BEND7: variants seen among roughly 807,000 people sequenced by gnomAD.
The protein encoded by BEND7 is BEN domain-containing protein 7.
A neutral mutation model predicts 50.9 loss-of-function variants in BEND7; 28 were observed. The ratio of observed to expected loss-of-function variants is 0.55; its 90% confidence interval spans 0.41 to 0.75. The LOEUF is 0.75. Among genes scored for constraint, BEND7 ranks in the 30% least tolerant of loss-of-function variants. BEND7 has a pLI of 0.00. For missense variants in BEND7, 477 were observed against 491.3 expected (o/e 0.97, Z 0.28); for synonymous variants, 170 against 183.9 (o/e 0.92, Z 0.61).
chr10:13,480,972 G>A lies in BEND7; in HGVS notation c.990C>T (p.Pro330=). The change falls in exon 6 of 9, where the codon CCC becomes CCT. Residue 330 remains proline, a synonymous_variant. Coordinates refer to ENST00000466271, the MANE Select transcript of BEND7 (RefSeq NM_001369863.1). ...TGAGTCCTCTTTTCCTCTTCCCATT[G>A]GGTAAGGAGTTAGCCAAAGTCTTGT... ...FDDKTLANSL[P]NGKRKRGLND... 3 of 1,614,122 alleles carry A rather than the reference G, an allele frequency of 1.9e-6. No homozygotes were observed. Among genetic ancestry groups the A allele is most frequent in the Non-Finnish European group, 1.7e-6 (2 of 1,180,020 alleles).
upstream of BEND7, among the ~76,000 whole-genome samples, chr10:13,529,319 C>A (rs1215886464): frequency 1.3e-5 from 2 of 151,552 alleles, no homozygotes; most frequent in Non-Finnish European, 3.0e-5. Flanking sequence ...ACTCCGTGCA[C>A]CTCGCCGTGG....
intron 2 of BEND7, among the ~76,000 whole-genome samples, chr10:13,525,632 A>G (rs1292458432): frequency 6.6e-6 from 1 of 152,178 alleles, no homozygotes; most frequent in Non-Finnish European, 1.5e-5. Context: ...TGTAGATTTA[A>G]TTTAATTTTG....
intron 6 of BEND7, among the ~76,000 whole-genome samples, chr10:13,456,565 T>C (rs532585856): frequency 6.6e-6 from 1 of 151,772 alleles, no homozygotes; most frequent in African/African-American, 2.4e-5. Flanking sequence ...GGGGAGAAAA[T>C]CAACCAGGTT....
At chr10:13,508,048 A>T (rs1309669515) in intron 2 of BEND7, among the ~76,000 whole-genome samples, 1 of 152,230 alleles carries the variant, frequency 6.6e-6, no homozygotes. Flanking sequence ...GGGAGCACGG[A>T]GCCAGGGCCT....
At position 13,441,474 on chromosome 10, in the gene BEND7, C is replaced by T; in HGVS notation, c.*269G>A. 1.5e-6 allele frequency: 2 copies of T among 1,302,104 alleles called. No individual in the cohort carries two copies. The highest frequency in any genetic ancestry group is 1.9e-6 in the Non-Finnish European group (2 of 1,026,596). 80.7% of individuals were successfully genotyped at this position (1,302,104 alleles called of 1,614,324 possible). A position where few individuals can be genotyped will look rare whatever the true frequency, so the allele number is the denominator to read the frequency against. On this transcript the variant is annotated 3_prime_UTR_variant, in exon 9 of 9. Coordinates refer to ENST00000466271, the MANE Select transcript of BEND7 (RefSeq NM_001369863.1). ...ACATCTTTGGGTTGAACAAGCTCCA[C>T]CCGTCCTCAAGTGCTGAACACCCCA...
rs771052981 is a variant in BEND7 at position 13,499,897 on chromosome 10, T to C, written c.329A>G (p.His110Arg). 3 of 1,614,118 alleles carry C rather than the reference T, an allele frequency of 1.9e-6. No homozygotes were observed. Among genetic ancestry groups the C allele is most frequent in the African/African-American group, 1.3e-5 (1 of 75,018 alleles). ...NSSAEAPQSLHPSSRGVWNEL... is the reference protein window; with the variant it reads ...NSSAEAPQSLRPSSRGVWNEL... ...ATTCCACACACCACGTGAAGACGGG[T>C]GGAGGCTTTGCGGGGCCTCAGCAGA... The change falls in exon 3 of 9, where the codon CAC becomes CGC. Residue 110 changes from histidine (H) to arginine (R), a missense_variant. By Grantham distance (29) the His-to-Arg change is conservative (BLOSUM62 0). Around this residue, in one of 3 missense-constraint regions of BEND7, gnomAD observed 396 missense variants for 384.2 expected, o/e 1.03. Coordinates refer to ENST00000466271, the MANE Select transcript of BEND7 (RefSeq NM_001369863.1).
chr10:13,465,739 A>G (rs1367037058), intron 6 of BEND7, among the ~76,000 whole-genome samples: 1 of 152,024 alleles, frequency 6.6e-6, no homozygotes. Context: ...ATGGTTCAAG[A>G]GCTTGAATGA....
At chr10:13,458,877 C>T (rs956138826) in intron 6 of BEND7, among the ~76,000 whole-genome samples, 2 of 152,124 alleles carry the variant, frequency 1.3e-5, no homozygotes, top group East Asian at 1.9e-4. Flanking sequence ...CTCTTACTGT[C>T]TTAGAGCTAT....
At chr10:13,523,171 G>GGGAA (rs1345348488) in intron 2 of BEND7, among the ~76,000 whole-genome samples, 1 of 152,198 alleles carries the variant, frequency 6.6e-6, no homozygotes, top group African/African-American at 2.4e-5. Context: ...TGGCTGAACT[G>GGGAA]ATTTAAGAGA....
intron 2 of BEND7, among the ~76,000 whole-genome samples, chr10:13,509,278 A>G (rs1158318623): frequency 1.3e-5 from 2 of 152,092 alleles, no homozygotes; most frequent in Non-Finnish European, 2.9e-5. Context: ...ACTGTCCTAT[A>G]CTCTCTTTGT....
chr10:13,510,815 T>C (rs1032976489), intron 2 of BEND7, among the ~76,000 whole-genome samples: 3 of 152,068 alleles, frequency 2.0e-5, no homozygotes, highest in East Asian at 1.9e-4. Context: ...CACACACACA[T>C]TTCACACACA....
At chr10:13,526,944 G>A (rs1381383363) in intron 1 of BEND7, among the ~76,000 whole-genome samples, 8 of 152,144 alleles carry the variant, frequency 5.3e-5, no homozygotes, top group Admixed American at 4.6e-4. Context: ...GCTTCTCTAT[G>A]GAGGCTACTG....
intron 2 of BEND7, among the ~76,000 whole-genome samples, chr10:13,515,573 T>C (rs1248442944): frequency 6.6e-6 from 1 of 152,220 alleles, no homozygotes; most frequent in African/African-American, 2.4e-5. Flanking sequence ...AAACATATTA[T>C]GAAATATGCG....
intron 6 of BEND7, among the ~76,000 whole-genome samples, chr10:13,465,009 C>G (rs2074088129): frequency 6.6e-6 from 1 of 152,318 alleles, no homozygotes; most frequent in South Asian, 2.1e-4. Flanking sequence ...AGTTCGTTAA[C>G]CAGTGATTTT....
At chr10:13,448,221 C>T (rs909415545) in intron 7 of BEND7, among the ~76,000 whole-genome samples, 6 of 151,758 alleles carry the variant, frequency 4.0e-5, no homozygotes, top group African/African-American at 1.2e-4. Flanking sequence ...CTGTTACATG[C>T]GAAAAAAAAG....
At chr10:13,446,278 T>G (rs1278173702) in intron 8 of BEND7, 2 of 152,348 alleles carry the variant, frequency 1.3e-5, no homozygotes, top group Non-Finnish European at 1.5e-5. Context: ...TGAAGTTCAC[T>G]AGCACAGGCC....
At chr10:13,473,871 G>A (rs1321042051) in intron 6 of BEND7, among the ~76,000 whole-genome samples, 1 of 150,300 alleles carries the variant, frequency 6.7e-6, no homozygotes, top group Admixed American at 6.6e-5. Flanking sequence ...GTTAGACTTG[G>A]GGTTGATACT....
chr10:13,450,847 G>C (rs1837514802), intron 7 of BEND7, among the ~76,000 whole-genome samples: 1 of 152,018 alleles, frequency 6.6e-6, no homozygotes, highest in East Asian at 1.9e-4. Flanking sequence ...GGGGGAAATG[G>C]GCATTTGTGA....
At chr10:13,472,686 C>T (rs1052786242) in intron 6 of BEND7, among the ~76,000 whole-genome samples, 2 of 151,734 alleles carry the variant, frequency 1.3e-5, no homozygotes, top group South Asian at 4.2e-4. Context: ...AGGGTCGATA[C>T]CCATCATCGC....
Sources: gnomAD v4.1 joint callset for allele counts (sites outside exome capture counted in the v4.1 genomes callset) on GRCh38, gnomAD v4.1.1 for gene constraint, gnomAD v4.1.1 regional missense constraint, MANE v1.5 for transcripts, NCBI Gene and HGNC (gene_info 2026-07-23, HGNC 2026-07-21) for gene names.